IYD: variants seen among roughly 807,000 people sequenced by gnomAD.
IYD encodes the protein iodotyrosine deiodinase 1.
In IYD, 25 loss-of-function variants were observed where a neutral mutation model predicts 28.4. That is an observed-to-expected ratio of 0.88 (90% CI 0.64 to 1.23). The LOEUF is 1.23. IYD is among the 50% of genes most tolerant of loss of function. The pLI is 0.00. For missense variants in IYD, 352 were observed against 357.9 expected, an observed-to-expected ratio of 0.98 and a Z score of 0.13; for synonymous variants, 140 against 130.8, an observed-to-expected ratio of 1.07 and a Z score of -0.48.
rs1237061601 is a variant in IYD, at chr6:150,389,550, A to G, written c.370+7A>G. ...AATGTCATCAGAACGGCAGGTTTGT[A>G]ATTGCAGATGGGGTCTTTGGAAATG... On this transcript the variant is annotated splice_region_variant and intron_variant, in intron 2 of 4. Coordinates refer to ENST00000344419, the MANE Select transcript of IYD (RefSeq NM_203395.3). 2 of 1,612,198 alleles carry G rather than the reference A, an allele frequency of 1.2e-6. No homozygotes were observed. Among genetic ancestry groups the G allele is most frequent in the Non-Finnish European group, 1.7e-6 (2 of 1,178,320 alleles).
At chr6:150,380,954 T>A (rs189250225) in intron 1 of IYD, among the ~76,000 whole-genome samples, 57 of 151,916 alleles carry the variant, frequency 3.8e-4, no homozygotes, top group Admixed American at 3.4e-3. Flanking sequence ...TGAAAAAGAG[T>A]GGTCCATGGA....
At chr6:150,383,880 G>C (rs1452733509) in intron 1 of IYD, among the ~76,000 whole-genome samples, 1 of 149,348 alleles carries the variant, frequency 6.7e-6, no homozygotes, top group East Asian at 2.0e-4. Flanking sequence ...AAGTGGATTT[G>C]TATCTACTAA....
Position 150,404,652 on chromosome 6 carries a change from C to T in IYD, c.*6415C>T, listed in dbSNP as rs1332061197. 2 of 152,152 alleles carry T rather than the reference C, an allele frequency of 1.3e-5. No homozygotes were observed. The highest frequency in any genetic ancestry group is 4.8e-5 in the African/African-American group (2 of 41,434). The allele number at this position is 152,152 out of a possible 1,614,324, so 9.4% of individuals were successfully genotyped here. ...AGACTGATGCTTTAAGGGAGTTTGG[C>T]TTATTCAACTTGAGTTAATCAAACA... On this transcript the variant is annotated 3_prime_UTR_variant, in exon 5 of 5. Coordinates refer to ENST00000344419, the MANE Select transcript of IYD (RefSeq NM_203395.3).
In IYD at chr6:150,370,117, T is replaced by G. The variant is rs1015160980; in HGVS notation, c.178+908T>G. Reference sequence around the variant, plus strand: ...GAGGCTCTGTGATCTTCAGCTGGGCTAATGATGCCCCCATCCCCAAACAGA... The same window carrying G: ...GAGGCTCTGTGATCTTCAGCTGGGCGAATGATGCCCCCATCCCCAAACAGA... On this transcript the variant is annotated intron_variant, in intron 1 of 4. Coordinates refer to ENST00000344419, the MANE Select transcript of IYD (RefSeq NM_203395.3). 1.0e-5 allele frequency: 7 copies of G among 690,318 alleles called. No individual in the cohort carries two copies. The African/African-American group carries it at 1.2e-4, about 12-fold the overall frequency. The allele number at this position is 690,318 out of a possible 1,614,324, so 42.8% of individuals were successfully genotyped here.
chr6:150,369,728 G>A (rs946612184), intron 1 of IYD, among the ~76,000 whole-genome samples: 2 of 152,156 alleles, frequency 1.3e-5, no homozygotes, highest in East Asian at 1.9e-4. Context: ...AGACAGACCC[G>A]GTGGAACTGA....
intron 1 of IYD, among the ~76,000 whole-genome samples, chr6:150,370,224 C>CGT (rs376701812): frequency 0.055 from 8,192 of 150,170 alleles, 406 homozygotes; most frequent in African/African-American, 0.14. Context: ...TGTGCGCGTG[C>CGT]GTGTGTGTGT....
chr6:150,370,411 G>A, intron 1 of IYD: 1 of 801,332 alleles, frequency 1.2e-6, no homozygotes, highest in Non-Finnish European at 1.5e-6. Context: ...GAATGTGTGT[G>A]TGCGTGCGCA....
chr6:150,384,613 G>C lies in IYD; in HGVS notation c.179-4739G>C, dbSNP rs1159754816. ...TTCCCCTCAATAATTTTAACTGTTT[G>C]AAGACAGCATCTTAGAATTTTTTTC... is the stretch of plus-strand genomic sequence containing the variant. On this transcript the variant is annotated intron_variant, in intron 1 of 4. Coordinates refer to ENST00000344419, the MANE Select transcript of IYD (RefSeq NM_203395.3). 2.6e-5 allele frequency: 4 copies of C among 152,252 alleles called. No homozygotes were observed. In the South Asian group the frequency reaches 8.3e-4, roughly 32 times the overall value. The allele number at this position is 152,252 out of a possible 1,614,324, so 9.4% of individuals were successfully genotyped here.
chr6:150,385,658 T>C (rs1188501152), intron 1 of IYD, among the ~76,000 whole-genome samples: 1 of 151,996 alleles, frequency 6.6e-6, no homozygotes, highest in Non-Finnish European at 1.5e-5. Flanking sequence ...CTGTAGTTTT[T>C]TGTTCTCTTA....
intron 1 of IYD, among the ~76,000 whole-genome samples, chr6:150,377,932 T>C (rs920536595): frequency 3.3e-5 from 5 of 152,168 alleles, no homozygotes; most frequent in Admixed American, 2.6e-4. Flanking sequence ...AGAAAGTTGA[T>C]AGATGTTTAT....
chr6:150,392,769 T>C (rs1254562046), intron 3 of IYD, among the ~76,000 whole-genome samples: 1 of 152,196 alleles, frequency 6.6e-6, no homozygotes, highest in African/African-American at 2.4e-5. Flanking sequence ...ATGGTAAAAT[T>C]CTTCTCAAGA....
intron 1 of IYD, among the ~76,000 whole-genome samples, chr6:150,383,402 GA>G (rs573415845): frequency 3.9e-5 from 6 of 152,280 alleles, no homozygotes; most frequent in Non-Finnish European, 7.4e-5. Flanking sequence ...CTGGGCATTT[GA>G]ATGCTGGTCT....
At chr6:150,374,023 A>C (rs1456910344) in intron 1 of IYD, among the ~76,000 whole-genome samples, 1 of 152,166 alleles carries the variant, frequency 6.6e-6, no homozygotes, top group Non-Finnish European at 1.5e-5. Context: ...CTACTAGGGG[A>C]AAGTTAGGGT....
At chr6:150,397,983 G>T in intron 4 of IYD, 72 bp from the exon 5 acceptor site, 3 of 1,422,118 alleles carry the variant, frequency 2.1e-6, no homozygotes, top group African/African-American at 1.4e-5. Context: ...GGACAAGAAG[G>T]TCCCCAGGTT....
At chr6:150,375,025 C>T (rs1412345468) in intron 1 of IYD, among the ~76,000 whole-genome samples, 1 of 152,164 alleles carries the variant, frequency 6.6e-6, no homozygotes, top group Non-Finnish European at 1.5e-5. Flanking sequence ...TTCAAGGTGT[C>T]TCTTTCTGGG....
At chr6:150,394,003 A>G in intron 3 of IYD, 96 bp from the exon 4 acceptor site, 1 of 1,240,286 alleles carries the variant, frequency 8.1e-7, no homozygotes, top group Non-Finnish European at 1.1e-6. Flanking sequence ...AAAGATGAGT[A>G]AATATGTTTT....
At chr6:150,396,461 G>A in intron 4 of IYD, 2 of 698,178 alleles carry the variant, frequency 2.9e-6, no homozygotes, top group Non-Finnish European at 5.2e-6. Flanking sequence ...TATGGTCTGT[G>A]TATTTGCAGG....
Position 150,399,883 on chromosome 6 carries a change from C to A in IYD, c.*1646C>A, listed in dbSNP as rs1317703913. 6.6e-6 allele frequency: 1 copy of A among 152,228 alleles called. No homozygotes were observed. Among genetic ancestry groups the A allele is most frequent in the African/African-American group, 2.4e-5 (1 of 41,410 alleles). The allele number at this position is 152,228 out of a possible 1,614,324, so 9.4% of individuals were successfully genotyped here. ...ATGACCTCATCACCTCCCAAAGGACCCCCTCCTAATACCATCACATTGGGG... is the reference window on the plus strand; with the variant it reads ...ATGACCTCATCACCTCCCAAAGGACACCCTCCTAATACCATCACATTGGGG... On this transcript the variant is annotated 3_prime_UTR_variant, in exon 5 of 5. Coordinates refer to ENST00000344419, the MANE Select transcript of IYD (RefSeq NM_203395.3).
At chr6:150,396,319 G>A in intron 4 of IYD, 1 of 438,576 alleles carries the variant, frequency 2.3e-6, no homozygotes, top group Non-Finnish European at 4.0e-6. Flanking sequence ...GGCCCTTTGG[G>A]GGTCTGAGGA....
Sources: gnomAD v4.1 joint callset for allele counts (sites outside exome capture counted in the v4.1 genomes callset) on GRCh38, gnomAD v4.1.1 for gene constraint, MANE v1.5 for transcripts, NCBI Gene and HGNC (gene_info 2026-07-23, HGNC 2026-07-21) for gene names.